Variants in PPARGC1A observed in about 807,000 individuals in gnomAD.
The protein encoded by PPARGC1A is peroxisome proliferator-activated receptor gamma coactivator 1-alpha.
A neutral mutation model predicts 88.7 loss-of-function variants in PPARGC1A; 25 were observed. The ratio of observed to expected loss-of-function variants is 0.28; its 90% CI spans 0.21 to 0.39. The LOEUF is 0.39. Among genes scored for constraint, PPARGC1A ranks in the 10% least tolerant of loss-of-function variants. The pLI is 1.00. For synonymous variants in PPARGC1A, 363 were observed against 355.6 expected (o/e 1.02, Z -0.24); for missense variants, 880 against 968.7 (o/e 0.91, Z 1.22).
chr4:24,159,271 T>C, the PPARGC1A span, among the ~76,000 whole-genome samples: 1 of 141,958 alleles, frequency 7.0e-6, no homozygotes, highest in East Asian at 2.1e-4. Context: ...AGTGCAATGG[T>C]GCAATCTTGG....
chr4:24,020,982 G>A, the PPARGC1A span, among the ~76,000 whole-genome samples: 1 of 152,186 alleles, frequency 6.6e-6, no homozygotes. Flanking sequence ...CATTGGTGAG[G>A]CTGCAAAAAC....
At chr4:24,036,259 G>A in the PPARGC1A span, among the ~76,000 whole-genome samples, 1 of 152,186 alleles carries the variant, frequency 6.6e-6, no homozygotes, top group Non-Finnish European at 1.5e-5. Flanking sequence ...TGACATAAAG[G>A]TAGAGAGACT....
At chr4:24,159,838 A>T in the PPARGC1A span, among the ~76,000 whole-genome samples, 9 of 152,156 alleles carry the variant, frequency 5.9e-5, no homozygotes, top group African/African-American at 2.2e-4. Context: ...GGCTTTTGAA[A>T]ATATCTGAGC....
the PPARGC1A span, among the ~76,000 whole-genome samples, chr4:24,397,273 C>G: frequency 6.6e-6 from 1 of 152,032 alleles, no homozygotes; most frequent in Non-Finnish European, 1.5e-5. Context: ...CTACTGGAAC[C>G]GGCCAATTTT....
chr4:23,972,672 C>T, the PPARGC1A span, among the ~76,000 whole-genome samples: 2 of 152,180 alleles, frequency 1.3e-5, no homozygotes, highest in South Asian at 4.1e-4. Context: ...TTATTCACCA[C>T]ACTCATGAAT....
At chr4:23,822,768 T>C (rs553480721) in intron 7 of PPARGC1A, among the ~76,000 whole-genome samples, 6 of 152,214 alleles carry the variant, frequency 3.9e-5, no homozygotes, top group South Asian at 2.1e-4. Flanking sequence ...TTCCAAACTT[T>C]ACCTTCTAGC....
the PPARGC1A span, among the ~76,000 whole-genome samples, chr4:24,226,441 A>G: frequency 6.6e-6 from 1 of 152,182 alleles, no homozygotes; most frequent in Non-Finnish European, 1.5e-5. Context: ...GGGAGACATG[A>G]AGAGAGGGAA....
At chr4:24,442,058 A>G in the PPARGC1A span, among the ~76,000 whole-genome samples, 1 of 152,218 alleles carries the variant, frequency 6.6e-6, no homozygotes, top group Non-Finnish European at 1.5e-5. Context: ...ATAGAGTGGC[A>G]AAAAGTCTTC....
chr4:24,188,225 A>G, the PPARGC1A span, among the ~76,000 whole-genome samples: 46 of 152,052 alleles, frequency 3.0e-4, no homozygotes, highest in Non-Finnish European at 4.7e-4. Context: ...AGAGGCAGGC[A>G]AGTGCCATAT....
At chr4:24,289,204 AG>A in the PPARGC1A span, among the ~76,000 whole-genome samples, 1 of 126,000 alleles carries the variant, frequency 7.9e-6, no homozygotes, top group Non-Finnish European at 1.6e-5. Flanking sequence ...TGGGTGACAG[AG>A]TGAGACTCCG....
intron 2 of PPARGC1A, among the ~76,000 whole-genome samples, chr4:23,848,406 C>T (rs537440579): frequency 6.6e-6 from 1 of 152,204 alleles, no homozygotes; most frequent in South Asian, 2.1e-4. Flanking sequence ...TCGAGCTAAC[C>T]CTCTCCCAGA....
At chr4:24,217,024 C>T in the PPARGC1A span, among the ~76,000 whole-genome samples, 2 of 152,320 alleles carry the variant, frequency 1.3e-5, no homozygotes, top group Non-Finnish European at 2.9e-5. Flanking sequence ...ATCTCACTTA[C>T]AAAGTCTGGG....
At position 23,824,264 on chromosome 4, in the gene PPARGC1A, G is replaced by A. The variant is rs773264843; in HGVS notation, c.877+16C>T. The A allele has an allele frequency of 6.2e-7, 1 of 1,604,118 alleles. No homozygotes were observed. The highest frequency in any genetic ancestry group is 8.5e-7 in the Non-Finnish European group (1 of 1,171,514). ...AGACAGACACACACAAGTTCTAAGT[G>A]AAATATAAGGCTTACCTGCAGTTCC... On this transcript the variant is annotated intron_variant, in intron 7 of 12. Coordinates refer to ENST00000264867, the MANE Select transcript of PPARGC1A (RefSeq NM_013261.5).
intron 2 of PPARGC1A, chr4:23,875,899 C>G (rs561926831): frequency 6.6e-6 from 1 of 152,192 alleles, no homozygotes; most frequent in African/African-American, 2.4e-5. Flanking sequence ...CGTTCATCAG[C>G]CTCTCAGGCA....
chr4:24,107,982 G>T, the PPARGC1A span, among the ~76,000 whole-genome samples: 1 of 152,146 alleles, frequency 6.6e-6, no homozygotes, highest in Non-Finnish European at 1.5e-5. Flanking sequence ...AAGACAAAAA[G>T]GGAAGGAAAT....
chr4:23,866,978 T>C (rs1053939592), intron 2 of PPARGC1A, among the ~76,000 whole-genome samples: 2 of 152,212 alleles, frequency 1.3e-5, no homozygotes, highest in African/African-American at 4.8e-5. Flanking sequence ...TATTTTCAAA[T>C]GTTATTAAGA....
chr4:24,308,289 C>A, the PPARGC1A span, among the ~76,000 whole-genome samples: 1 of 49,358 alleles, frequency 2.0e-5, no homozygotes, highest in Non-Finnish European at 3.7e-5. Context: ...GAGACTCTGC[C>A]ACCGAAAAAA....
At chr4:23,808,525 T>C (rs1356482893) in intron 10 of PPARGC1A, among the ~76,000 whole-genome samples, 2 of 152,150 alleles carry the variant, frequency 1.3e-5, no homozygotes, top group African/African-American at 4.8e-5. Flanking sequence ...GGAGTTGGAC[T>C]TAGAACTCCA....
At chr4:23,967,020 T>C in the PPARGC1A span, among the ~76,000 whole-genome samples, 2 of 152,156 alleles carry the variant, frequency 1.3e-5, no homozygotes, top group Non-Finnish European at 2.9e-5. Context: ...TGACAGCATA[T>C]GCAAAACTCA....
Sources: allele counts gnomAD v4.1 joint callset (sites outside exome capture counted in the v4.1 genomes callset), GRCh38; gene constraint gnomAD v4.1.1; transcripts MANE v1.5; gene names NCBI Gene and HGNC (gene_info 2026-07-23, HGNC 2026-07-21).